Variants in KRT31 observed in about 807,000 individuals in gnomAD.
The protein encoded by KRT31 is keratin, type I cuticular Ha1.
KRT31 carries 27 observed loss-of-function variants against 40.8 expected under a neutral mutation model. That is an observed-to-expected ratio of 0.66 (90% CI 0.49 to 0.91). The LOEUF is 0.91. Among genes scored for constraint, KRT31 ranks in the 40% least tolerant of loss-of-function variants. KRT31 has a pLI of 0.00. For missense variants in KRT31, 510 were observed against 544.1 expected, an observed-to-expected ratio of 0.94 and a Z score of 0.62; for synonymous variants, 231 against 231.9, an observed-to-expected ratio of 1.00 and a Z score of 0.03.
intron 3 of KRT31, 124 bp downstream of exon 3, chr17:41,396,296 T>TG (rs1352979637): frequency 1.2e-6 from 1 of 864,928 alleles, no homozygotes; most frequent in African/African-American, 1.7e-5. Flanking sequence ...TCTCTTACCG[T>TG]GATGTTTTCA....
chr17:41,396,107 A>G (rs1296225371), intron 3 of KRT31, among the ~76,000 whole-genome samples: 1 of 126,140 alleles, frequency 7.9e-6, no homozygotes, highest in Non-Finnish European at 1.8e-5. Context: ...GCCTTTGCCA[A>G]AAAAAAAAAA....
Position 41,397,516 on chromosome 17 carries a change from G to A in KRT31, c.24C>T (p.Pro8=), listed in dbSNP as rs143499072. 9.1e-4 allele frequency: 1,461 copies of A among 1,613,104 alleles called. 12 individuals carry two copies. The African/African-American group carries it at 0.017, about 19-fold the overall frequency. MPYNFCL[P]SLSCRTSCSS... is the part of the protein sequence containing the mutation. ...AGCAGCTGGTGCGGCAGCTCAGGCT[G>A]GGCAGGCAGAAGTTGTAGGGCATAG... Residue 8 remains proline, a synonymous_variant, in exon 1 of 7, where the codon CCC becomes CCT. Transcript: ENST00000251645.
chr17:41,395,380 C>A lies in KRT31; in HGVS notation c.751-10G>T. 2 of 1,614,138 alleles carry A rather than the reference C, an allele frequency of 1.2e-6. No homozygotes were observed. On this transcript the variant is annotated splice_polypyrimidine_tract_variant and intron_variant, in intron 4 of 6. Transcript: ENST00000251645. ...TGTTCAGCTCCTCGGTCTGAAACAC[C>A]CAAGGGGAGAAAGGATCAGACCCTG...
chr17:41,393,863 G>A lies in KRT31; in HGVS notation c.*153C>T. The A allele has an allele frequency of 1.3e-6, 1 of 744,730 alleles. No homozygotes were observed. Among genetic ancestry groups the A allele is most frequent in the South Asian group, 1.9e-5 (1 of 52,770 alleles). The allele number at this position is 744,730 out of a possible 1,614,324, so 46.1% of individuals were successfully genotyped here. A position where few individuals can be genotyped will look rare whatever the true frequency, so the allele number is the denominator to read the frequency against. On this transcript the variant is annotated 3_prime_UTR_variant, in exon 7 of 7. Coordinates refer to ENST00000251645, the MANE Select transcript of KRT31 (RefSeq NM_002277.3). ...AGGACAGTCTGGAGTAGTTGGGGAGGCTACAGGCTTTGGGTGAGTTTCTTG... is the reference window on the plus strand; with the variant it reads ...AGGACAGTCTGGAGTAGTTGGGGAGACTACAGGCTTTGGGTGAGTTTCTTG...
In KRT31 at chr17:41,394,973, C is replaced by G. The variant is rs146671831; in HGVS notation, c.972G>C (p.Gln324His). Reference protein sequence around the residue: ...VQSLITNVESQLAEIRSDLER... With the variant: ...VQSLITNVESHLAEIRSDLER... Reference sequence around the variant, plus strand: ...CCAGGTCACTGCGGATCTCCGCCAGCTGGGACTCCACGTTGGTGATCAGGC... The same window carrying G: ...CCAGGTCACTGCGGATCTCCGCCAGGTGGGACTCCACGTTGGTGATCAGGC... The change falls in exon 6 of 7, where the codon CAG becomes CAC. Residue 324 changes from glutamine (Q) to histidine (H), a missense_variant. Gln to His is a conservative substitution (Grantham distance 24). Coordinates refer to ENST00000251645, the MANE Select transcript of KRT31 (RefSeq NM_002277.3). 4.1e-4 allele frequency: 663 copies of G among 1,614,260 alleles called. 5 individuals carry two copies. The East Asian group carries it at 0.014, about 34-fold the overall frequency.
chr17:41,395,424 G>A lies in KRT31; in HGVS notation c.750+38C>T, dbSNP rs186735912. 7.7e-4 allele frequency: 1,245 copies of A among 1,613,966 alleles called. 3 individuals are homozygous for A. The highest frequency in any genetic ancestry group is 1.7e-3 in the East Asian group (76 of 44,872). The stretch of plus-strand genomic sequence containing the variant: ...GACCCTGCCTCCGGGGCCCTGGGGG[G>A]CCTTGGGTCCTGAGGGGCCACGTGC... On this transcript the variant is annotated intron_variant, in intron 4 of 6. Coordinates refer to ENST00000251645, the MANE Select transcript of KRT31 (RefSeq NM_002277.3).
At chr17:41,394,195 A>C (rs1426784493) in intron 6 of KRT31, 26 bp from the exon 7 acceptor site, 4 of 1,608,912 alleles carry the variant, frequency 2.5e-6, no homozygotes, top group African/African-American at 2.7e-5. Flanking sequence ...TGATGTGGAA[A>C]AGTGAGTTAA....
At position 41,394,052 on chromosome 17, in the gene KRT31, G is replaced by A. The variant is rs771640119; in HGVS notation, c.1215C>T (p.Arg405=). The A allele has an allele frequency of 6.2e-7, 1 of 1,613,630 alleles. No homozygotes were observed. Among genetic ancestry groups the A allele is most frequent in the South Asian group, 1.1e-5 (1 of 91,060 alleles). Residue 405 remains arginine, a synonymous_variant, in exon 7 of 7, where the codon CGC becomes CGT. Transcript: ENST00000251645. ...PPAPCTPCAP[R]PRCGPCNSFV... is the part of the protein sequence containing the mutation. ...AGGAATTGCAGGGCCCACAGCGGGG[G>A]CGTGGGGCACAGGGTGTGCAGGGGG...
In KRT31 at chr17:41,394,908, C is replaced by A; in HGVS notation, c.1037G>T (p.Arg346Leu). Reference protein sequence around the residue: ...NQEYQVLLDVRARLECEINTY... With the variant: ...NQEYQVLLDVLARLECEINTY... ...GTTGATCTCACACTCCAGCCGGGCA[C>A]GCACATCCAGCAGCACCTGGTACTC... The change falls in exon 6 of 7, where the codon CGT becomes CTT. Residue 346 changes from arginine (R) to leucine (L), a missense_variant. By Grantham distance (102) the Arg-to-Leu change is moderately radical. Coordinates refer to ENST00000251645, the MANE Select transcript of KRT31 (RefSeq NM_002277.3). 1 of 1,613,888 alleles carries A rather than the reference C, an allele frequency of 6.2e-7. No individual in the cohort carries two copies.
intron 6 of KRT31, 97 bp from the exon 7 acceptor site, chr17:41,394,266 G>C: frequency 3.8e-6 from 5 of 1,309,272 alleles, no homozygotes; most frequent in Non-Finnish European, 5.4e-6. Context: ...TGGGTCAAGG[G>C]ACTTGACCTG....
chr17:41,395,300 T>G lies in KRT31; in HGVS notation c.821A>C (p.Glu274Ala). The G allele has an allele frequency of 6.2e-7, 1 of 1,613,368 alleles. No homozygotes were observed. Among genetic ancestry groups the G allele is most frequent in the East Asian group, 2.2e-5 (1 of 44,886 alleles). Reference protein sequence around the residue: ...QLQSYQAEIIELRRTVNALEI... With the variant: ...QLQSYQAEIIALRRTVNALEI... ...CAGGGCGTTGACTGTGCGTCTCAGCTCGATGATCTCCGCCTGGTAGGACTG... is the reference window on the plus strand; with the variant it reads ...CAGGGCGTTGACTGTGCGTCTCAGCGCGATGATCTCCGCCTGGTAGGACTG... The change falls in exon 5 of 7, where the codon GAG becomes GCG. Residue 274 changes from glutamate (E) to alanine (A), a missense_variant. By Grantham distance (107) the Glu-to-Ala change is moderately radical. Transcript: ENST00000251645.
chr17:41,397,593 C>A lies in KRT31; in HGVS notation c.-54G>T, dbSNP rs1025419882. On this transcript the variant is annotated 5_prime_UTR_variant, in exon 1 of 7. Transcript: ENST00000251645. ...GGCTGAAGACAGAGTCTAAATTCTCCAAGCCACAGAGCTGTGGGTCTCCTT... is the reference window on the plus strand; with the variant it reads ...GGCTGAAGACAGAGTCTAAATTCTCAAAGCCACAGAGCTGTGGGTCTCCTT... 5.2e-6 allele frequency: 8 copies of A among 1,533,868 alleles called. No homozygotes were observed. Among genetic ancestry groups the A allele is most frequent in the East Asian group, 4.8e-5 (2 of 41,300 alleles).
chr17:41,397,104 A>G (rs1042184821), intron 1 of KRT31, 88 bp downstream of exon 1: 38 of 1,580,114 alleles, frequency 2.4e-5, no homozygotes, highest in Non-Finnish European at 3.3e-5. Context: ...AAGAATTATG[A>G]CAGCACAGAA....
Position 41,394,981 on chromosome 17 carries a change from C to A in KRT31, c.964G>T (p.Glu322Ter). 9 of 1,614,272 alleles carry A rather than the reference C, an allele frequency of 5.6e-6. No individual in the cohort carries two copies. Among genetic ancestry groups the A allele is most frequent in the Non-Finnish European group, 7.6e-6 (9 of 1,180,044 alleles). The change falls in exon 6 of 7, where the codon GAG (glutamate) becomes TAG (stop). Residue 322 changes from glutamate to a stop codon, truncating the protein, a stop_gained. Coordinates refer to ENST00000251645, the MANE Select transcript of KRT31 (RefSeq NM_002277.3). LOFTEE classifies it high-confidence loss of function. ...CTGCGGATCTCCGCCAGCTGGGACT[C>A]CACGTTGGTGATCAGGCTCTGCACC... ...SQVQSLITNVESQLAEIRSDL... is the reference protein window; with the variant it reads ...SQVQSLITNV
At chr17:41,394,401 A>G (rs1277660545) in intron 6 of KRT31, among the ~76,000 whole-genome samples, 2 of 152,112 alleles carry the variant, frequency 1.3e-5, no homozygotes, top group African/African-American at 4.8e-5. Flanking sequence ...CTACTCTCAA[A>G]TCCATTCATG....
Position 41,397,510 on chromosome 17 carries a change from C to T in KRT31, c.30G>A (p.Leu10=), listed in dbSNP as rs756846485. Residue 10 remains leucine (L), a synonymous_variant, in exon 1 of 7, where the codon CTG becomes CTA. Transcript: ENST00000251645. The part of the protein sequence containing the change: MPYNFCLPS[L]SCRTSCSSRP... ...GGGAGGAGCAGCTGGTGCGGCAGCT[C>T]AGGCTGGGCAGGCAGAAGTTGTAGG... The T allele has an allele frequency of 2.5e-6, 4 of 1,612,860 alleles. No homozygotes were observed. The highest frequency in any genetic ancestry group is 2.2e-5 in the South Asian group (2 of 90,948).
At chr17:41,394,660 C>G in intron 6 of KRT31, 188 bp downstream of exon 6, 1 of 720,266 alleles carries the variant, frequency 1.4e-6, no homozygotes, top group East Asian at 1.3e-4. Flanking sequence ...GTTTGTACAT[C>G]AAACAACTCT....
chr17:41,395,626 A>G lies in KRT31; in HGVS notation c.589-3T>C, dbSNP rs1214698190. 24 of 1,613,036 alleles carry G rather than the reference A, an allele frequency of 1.5e-5. No individual in the cohort carries two copies. Among genetic ancestry groups the G allele is most frequent in the Non-Finnish European group, 1.9e-5 (22 of 1,179,500 alleles). The stretch of plus-strand genomic sequence containing the variant: ...TGGCAGCGCAGGGTATTGACCTCCT[A>G]TGGATGCAGAAAATACAAGAGTTAC... On this transcript the variant is annotated splice_polypyrimidine_tract_variant and splice_region_variant and intron_variant, in intron 3 of 6. Transcript: ENST00000251645.
chr17:41,395,037 C>A lies in KRT31; in HGVS notation c.908G>T (p.Ser303Ile). 6.2e-7 allele frequency: 1 copy of A among 1,614,246 alleles called. No individual in the cohort carries two copies. Among genetic ancestry groups the A allele is most frequent in the Non-Finnish European group, 8.5e-7 (1 of 1,180,040 alleles). ...CAGCTGGGAGCTGTAGCGGGCCTCACTCTCTGTCAGCGTGTTTTCCAGAGA... is the reference window on the plus strand; with the variant it reads ...CAGCTGGGAGCTGTAGCGGGCCTCAATCTCTGTCAGCGTGTTTTCCAGAGA... ...RDSLENTLTE[S>I]EARYSSQLSQ... Residue 303 changes from serine to isoleucine, a missense_variant, in exon 6 of 7, where the codon AGT becomes ATT. By Grantham distance (142) the Ser-to-Ile change is moderately radical. Coordinates refer to ENST00000251645, the MANE Select transcript of KRT31 (RefSeq NM_002277.3).
Sources: gnomAD v4.1 joint callset for allele counts (sites outside exome capture counted in the v4.1 genomes callset) on GRCh38, gnomAD v4.1.1 for gene constraint, MANE v1.5 for transcripts, NCBI Gene and HGNC (gene_info 2026-07-23, HGNC 2026-07-21) for gene names.